Variants in UPP2 observed in about 807,000 individuals in gnomAD.
UPP2 encodes UPase 2.
UPP2 carries 23 observed loss-of-function variants against 26.7 expected under a neutral mutation model. That is an observed-to-expected ratio of 0.86 (90% CI 0.62 to 1.22). The LOEUF is 1.22. Among genes scored for constraint, UPP2 ranks in the 50% most tolerant of loss-of-function variants. UPP2 has a pLI of 0.00. For synonymous variants in UPP2, 127 were observed against 141.3 expected (o/e 0.90, Z 0.72); for missense variants, 387 against 396.7 (o/e 0.98, Z 0.21).
rs530863654 is a variant in UPP2, at chr2:158,069,204, A to C, written c.148-32836A>C. ...TTTCATGAACTCCTATCTTTTAGGA[A>C]ACTGCTTTTGATGTCCACCTGTGCA... On this transcript the variant is annotated intron_variant, in intron 3 of 9. Transcript: ENST00000605860. Among the ~76,000 whole-genome samples the C allele has an allele frequency of 2.4e-3, 371 of 152,256 alleles. 2 individuals are homozygous for C. Among genetic ancestry groups the C allele is most frequent in the Non-Finnish European group, 4.4e-3 (297 of 68,014 alleles).
At chr2:158,085,046 G>C (rs1052113881) in intron 3 of UPP2, among the ~76,000 whole-genome samples, 1 of 152,026 alleles carries the variant, frequency 6.6e-6, no homozygotes, top group Non-Finnish European at 1.5e-5. Flanking sequence ...GTGGTATTTT[G>C]ATGGGAATTG....
At chr2:158,048,753 G>T (rs183187267) in intron 3 of UPP2, among the ~76,000 whole-genome samples, 9 of 152,178 alleles carry the variant, frequency 5.9e-5, no homozygotes, top group Admixed American at 5.9e-4. Flanking sequence ...GCTATACAAG[G>T]TGCCTGATTC....
chr2:158,090,927 T>G (rs1289537000), intron 3 of UPP2, among the ~76,000 whole-genome samples: 2 of 152,188 alleles, frequency 1.3e-5, no homozygotes, highest in Non-Finnish European at 2.9e-5. Context: ...CTGAAACTTC[T>G]ACATTAAGCC....
At chr2:158,123,652 C>CTCT in intron 5 of UPP2, 97 bp from the exon 6 acceptor site, 3 of 1,409,474 alleles carry the variant, frequency 2.1e-6, no homozygotes, top group Non-Finnish European at 2.9e-6. Context: ...TAGAGTTAGA[C>CTCT]AGCGGCAGCG....
chr2:158,058,292 CAAAAAAAAAAAAA>C (rs57994785), intron 3 of UPP2, among the ~76,000 whole-genome samples: 2 of 38,806 alleles, frequency 5.2e-5, no homozygotes, highest in South Asian at 1.4e-3. Flanking sequence ...GACTCCGTCT[CAAAAAAAAAAAAA>C]AAAAAAAAAA....
chr2:158,109,321 T>G (rs1376425618), intron 2 of UPP2, among the ~76,000 whole-genome samples: 1 of 152,126 alleles, frequency 6.6e-6, no homozygotes, highest in African/African-American at 2.4e-5. Context: ...CTTACCATAT[T>G]TAAAAATTTT....
At chr2:158,103,974 T>G (rs10164918) in intron 1 of UPP2, among the ~76,000 whole-genome samples, 2,923 of 152,334 alleles carry the variant, frequency 0.019, 94 homozygotes, top group African/African-American at 0.066. Context: ...ACTAGGTACG[T>G]ATGACCCAGT....
At chr2:158,083,212 A>G (rs1397562024) in intron 3 of UPP2, among the ~76,000 whole-genome samples, 1 of 152,154 alleles carries the variant, frequency 6.6e-6, no homozygotes, top group Non-Finnish European at 1.5e-5. Context: ...CTGGGTATAC[A>G]CCCAAAGGAT....
chr2:158,035,026 T>C (rs1185664559), intron 3 of UPP2, among the ~76,000 whole-genome samples: 1 of 152,194 alleles, frequency 6.6e-6, no homozygotes, highest in African/African-American at 2.4e-5. Context: ...GGAAAAGAGC[T>C]CTTTACCTTG....
chr2:158,081,614 A>G (rs928261130), intron 3 of UPP2, among the ~76,000 whole-genome samples: 1 of 152,162 alleles, frequency 6.6e-6, no homozygotes, highest in African/African-American at 2.4e-5. Context: ...GGTCATATAC[A>G]CCATAAAATA....
At chr2:158,025,030 C>T (rs775021501) in intron 3 of UPP2, among the ~76,000 whole-genome samples, 1 of 151,686 alleles carries the variant, frequency 6.6e-6, no homozygotes, top group Non-Finnish European at 1.5e-5. Flanking sequence ...GGTGAAACCC[C>T]GTCTCTACAA....
Position 158,134,752 on chromosome 2 carries a change from T to C in UPP2, c.816T>C (p.Ala272=). The C allele has an allele frequency of 6.2e-7, 1 of 1,606,944 alleles. No homozygotes were observed. The highest frequency in any genetic ancestry group is 8.5e-7 in the Non-Finnish European group (1 of 1,176,582). Residue 272 remains alanine, a synonymous_variant, in exon 7 of 7, where the codon GCT becomes GCC. Coordinates refer to ENST00000005756, the MANE Select transcript of UPP2 (RefSeq NM_173355.4). ...TTGTGCTAATTGCTCTTCTAGCTGCTGTGGTCTGTGTGACACTTCTCGACA... is the reference window on the plus strand; with the variant it reads ...TTGTGCTAATTGCTCTTCTAGCTGCCGTGGTCTGTGTGACACTTCTCGACA... ...AMCGLCGLKA[A]VVCVTLLDRL...
At chr2:158,123,635 C>A in intron 5 of UPP2, 114 bp from the exon 6 acceptor site, 2 of 1,240,480 alleles carry the variant, frequency 1.6e-6, no homozygotes, top group African/African-American at 1.5e-5. Flanking sequence ...ACACGGGGAG[C>A]ACGCTGTAGA....
Position 158,135,174 on chromosome 2 carries a change from T to C in UPP2, c.*284T>C, listed in dbSNP as rs1683908434. Reference sequence around the variant, plus strand: ...TTTGGAGTTTCATATGCAGCATTAATTAAGCTCACATCAAAATAGACCAGC... The same window carrying C: ...TTTGGAGTTTCATATGCAGCATTAACTAAGCTCACATCAAAATAGACCAGC... On this transcript the variant is annotated 3_prime_UTR_variant, in exon 7 of 7. Transcript: ENST00000005756. 1 of 251,078 alleles carries C rather than the reference T, an allele frequency of 4.0e-6. No homozygotes were observed. Among genetic ancestry groups the C allele is most frequent in the Admixed American group, 5.5e-5 (1 of 18,074 alleles). The allele number at this position is 251,078 out of a possible 1,614,324, so 15.6% of individuals were successfully genotyped here.
chr2:158,114,213 C>T (rs1283358922), intron 2 of UPP2, among the ~76,000 whole-genome samples: 1 of 152,156 alleles, frequency 6.6e-6, no homozygotes, highest in Admixed American at 6.5e-5. Flanking sequence ...CTTCAGAATC[C>T]GGGAGGACTT....
chr2:158,037,369 G>C (rs1195010703), intron 3 of UPP2, among the ~76,000 whole-genome samples: 2 of 151,908 alleles, frequency 1.3e-5, no homozygotes, highest in Non-Finnish European at 2.9e-5. Flanking sequence ...GCTGGAGACT[G>C]TCTCAAAAAA....
At chr2:158,091,664 G>A (rs1011381376) in intron 3 of UPP2, among the ~76,000 whole-genome samples, 1 of 152,130 alleles carries the variant, frequency 6.6e-6, no homozygotes, top group Non-Finnish European at 1.5e-5. Flanking sequence ...GATCTTCGTG[G>A]GCTTGCTCAC....
intron 3 of UPP2, among the ~76,000 whole-genome samples, chr2:158,084,736 T>C (rs1682786455): frequency 6.6e-6 from 1 of 152,126 alleles, no homozygotes; most frequent in Non-Finnish European, 1.5e-5. Context: ...CCCTGCACAA[T>C]TTTTTGAATA....
At chr2:158,073,152 T>C (rs1437676843) in intron 3 of UPP2, among the ~76,000 whole-genome samples, 2 of 151,968 alleles carry the variant, frequency 1.3e-5, no homozygotes, top group African/African-American at 4.8e-5. Context: ...TAAAAAGAAT[T>C]GAGCTGAAAC....
Sources: gnomAD v4.1 joint callset for allele counts (sites outside exome capture counted in the v4.1 genomes callset) on GRCh38, gnomAD v4.1.1 for gene constraint, MANE v1.5 for transcripts, NCBI Gene and HGNC (gene_info 2026-07-23, HGNC 2026-07-21) for gene names.